TLL1: variants seen among roughly 807,000 people sequenced by gnomAD.
The protein encoded by TLL1 is tolloid like 1.
In TLL1, 49 loss-of-function variants were observed where a neutral mutation model predicts 128.2. The observed-to-expected ratio is 0.38, with a 90% CI of 0.30 to 0.48. The LOEUF (loss-of-function observed/expected upper bound fraction) is 0.48. Ranked by LOEUF, TLL1 falls within the 20% of genes least tolerant of loss-of-function variation. The pLI, the probability that TLL1 is intolerant of heterozygous loss-of-function variation, is 0.96. For missense variants in TLL1, 1,123 were observed against 1,242.0 expected (o/e 0.90, Z 1.44); for synonymous variants, 454 against 418.8 (o/e 1.08, Z -1.03).
intron 15 of TLL1, among the ~76,000 whole-genome samples, chr4:166,062,130 A>G (rs1740345488): frequency 6.6e-6 from 1 of 152,120 alleles, no homozygotes; most frequent in Non-Finnish European, 1.5e-5. Context: ...GCCTTGTAGT[A>G]TAGTTTGAAG....
chr4:165,884,741 CAGG>C (rs1731098453), intron 1 of TLL1, among the ~76,000 whole-genome samples: 1 of 152,166 alleles, frequency 6.6e-6, no homozygotes, highest in Non-Finnish European at 1.5e-5. Context: ...GAGGCTGATG[CAGG>C]AGAATTGCTT....
intron 1 of TLL1, among the ~76,000 whole-genome samples, chr4:165,954,286 G>A (rs17633216): frequency 0.016 from 2,365 of 152,176 alleles, 81 homozygotes; most frequent in East Asian, 0.15. Context: ...ACACATACAC[G>A]CTTGAGAGGA....
intron 1 of TLL1, among the ~76,000 whole-genome samples, chr4:165,874,709 T>C (rs1431921074): frequency 6.6e-6 from 1 of 152,244 alleles, no homozygotes; most frequent in Non-Finnish European, 1.5e-5. Flanking sequence ...TGCTACCCCA[T>C]TCAAATTTGT....
In TLL1 at chr4:166,080,105, G is replaced by A. The variant is rs143380991; in HGVS notation, c.2442+2075G>A. 2.0e-5 allele frequency among the ~76,000 whole-genome samples: 3 copies of A among 152,186 alleles called. No homozygotes were observed. In the East Asian group the frequency reaches 5.8e-4, roughly 29 times the overall value. ...TTTCTCATAGTTCTGGAGGCTAGAG[G>A]TCCAAGATTAAGTTGGACTTAACAA... On this transcript the variant is annotated intron_variant, in intron 18 of 20. Coordinates refer to ENST00000061240, the MANE Select transcript of TLL1 (RefSeq NM_012464.5).
At chr4:165,973,681 T>C (rs1735734289) in intron 1 of TLL1, among the ~76,000 whole-genome samples, 1 of 151,954 alleles carries the variant, frequency 6.6e-6, no homozygotes, top group South Asian at 2.1e-4. Context: ...TTTTTCTTTT[T>C]TGAGATGGAG....
At chr4:166,070,616 A>G (rs930880459) in intron 16 of TLL1, among the ~76,000 whole-genome samples, 27 of 152,034 alleles carry the variant, frequency 1.8e-4, no homozygotes, top group African/African-American at 6.5e-4. Flanking sequence ...AAGGACAGAA[A>G]CGGACTAAAA....
chr4:165,893,504 T>C (rs563011017), intron 1 of TLL1, among the ~76,000 whole-genome samples: 1 of 152,230 alleles, frequency 6.6e-6, no homozygotes, highest in Non-Finnish European at 1.5e-5. Context: ...CAGGGTGAAG[T>C]GTCAGAGTGG....
At position 166,025,446 on chromosome 4, in the gene TLL1, C is replaced by G. The variant is rs769335529; in HGVS notation, c.1158+15C>G. 6.5e-7 allele frequency: 1 copy of G among 1,539,246 alleles called. No individual in the cohort carries two copies. The highest frequency in any genetic ancestry group is 9.0e-7 in the Non-Finnish European group (1 of 1,112,192). ...CAGGGGAGAAGGTAGTTTATACCGT[C>G]AAGCCCACTATTTTATTCTTATATA... On this transcript the variant is annotated intron_variant, in intron 9 of 20. Transcript: ENST00000061240.
In TLL1 at chr4:166,053,712, C is replaced by T. The variant is rs988074403; in HGVS notation, c.1525-1364C>T. ...AAGTTGCAGTTCCATGGACATTCCC[C>T]GATATTCCTTGACATTCTACGTATT... On this transcript the variant is annotated intron_variant, in intron 12 of 20. Coordinates refer to ENST00000061240, the MANE Select transcript of TLL1 (RefSeq NM_012464.5). Among the ~76,000 whole-genome samples the T allele has an allele frequency of 3.9e-5, 6 of 152,204 alleles. No individual in the cohort carries two copies. In the South Asian group the frequency reaches 6.2e-4, roughly 16 times the overall value.
chr4:166,001,165 CT>C lies in TLL1; in HGVS notation c.633-2224del, dbSNP rs764084236. On this transcript the variant is annotated intron_variant, in intron 5 of 20. Coordinates refer to ENST00000061240, the MANE Select transcript of TLL1 (RefSeq NM_012464.5). ...GTCAATTAGTTTTTGGCATTTTTCT[CT>C]TCCAATTTAATATATCAGAAGAGGC... is the stretch of plus-strand genomic sequence containing the variant. 1.8e-4 allele frequency among the ~76,000 whole-genome samples: 27 copies of C among 152,230 alleles called. No homozygotes were observed. The South Asian group carries it at 2.1e-3, about 12-fold the overall frequency.
At position 166,029,822 on chromosome 4, in the gene TLL1, T is replaced by C. The variant is rs74609531; in HGVS notation, c.1158+4391T>C. On this transcript the variant is annotated intron_variant, in intron 9 of 20. Coordinates refer to ENST00000061240, the MANE Select transcript of TLL1 (RefSeq NM_012464.5). ...GCCCTCAAGATTCATCCATGTGACATGATTTATTTTTTATGCCTGAATAAT... is the reference window on the plus strand; with the variant it reads ...GCCCTCAAGATTCATCCATGTGACACGATTTATTTTTTATGCCTGAATAAT... 6.4e-3 allele frequency among the ~76,000 whole-genome samples: 977 copies of C among 152,168 alleles called. 10 individuals are homozygous for C. Among genetic ancestry groups the C allele is most frequent in the African/African-American group, 0.022 (930 of 41,566 alleles).
In TLL1 at chr4:165,935,894, C is replaced by T. The variant is rs532680744; in HGVS notation, c.170-53487C>T. ...CTGACTTGGAAACTTATAATGCATTCAACCTGTTCCTCTTTTATATTTCCA... is the reference window on the plus strand; with the variant it reads ...CTGACTTGGAAACTTATAATGCATTTAACCTGTTCCTCTTTTATATTTCCA... On this transcript the variant is annotated intron_variant, in intron 1 of 20. Transcript: ENST00000061240. Among the ~76,000 whole-genome samples the T allele has an allele frequency of 2.0e-5, 3 of 152,254 alleles. No homozygotes were observed. In the East Asian group the frequency reaches 5.8e-4, roughly 29 times the overall value.
intron 1 of TLL1, among the ~76,000 whole-genome samples, chr4:165,931,355 TAC>T (rs1252159017): frequency 6.6e-6 from 1 of 152,180 alleles, no homozygotes; most frequent in Non-Finnish European, 1.5e-5. Flanking sequence ...TTTAACTTTA[TAC>T]AGTTAGGTTT....
chr4:165,904,512 G>A (rs1016777829), intron 1 of TLL1, among the ~76,000 whole-genome samples: 4 of 152,122 alleles, frequency 2.6e-5, no homozygotes, highest in Non-Finnish European at 1.5e-5. Flanking sequence ...GAAGAAGGAG[G>A]AATTAGAGGA....
At chr4:165,901,184 T>C (rs1731967760) in intron 1 of TLL1, among the ~76,000 whole-genome samples, 1 of 152,158 alleles carries the variant, frequency 6.6e-6, no homozygotes, top group Non-Finnish European at 1.5e-5. Context: ...GATTAGAACA[T>C]GCTCCTTTAG....
chr4:165,978,620 TTTTTTG>T (rs1405797520), intron 1 of TLL1, among the ~76,000 whole-genome samples: 2 of 152,172 alleles, frequency 1.3e-5, no homozygotes, highest in African/African-American at 2.4e-5. Context: ...TAAGTTGCTG[TTTTTTG>T]TTTTTGTTTG....
intron 1 of TLL1, among the ~76,000 whole-genome samples, chr4:165,968,442 T>C (rs1342380903): frequency 6.6e-6 from 1 of 152,152 alleles, no homozygotes; most frequent in African/African-American, 2.4e-5. Flanking sequence ...TTATCAATTC[T>C]CTACATAGGA....
chr4:166,090,199 T>C (rs1435940877), intron 18 of TLL1, among the ~76,000 whole-genome samples: 1 of 23,894 alleles, frequency 4.2e-5, no homozygotes, highest in Admixed American at 5.6e-4. Context: ...TTTAGTTTTC[T>C]TCTATAGACT....
At chr4:166,040,131 C>G (rs1381140901) in intron 10 of TLL1, among the ~76,000 whole-genome samples, 1 of 152,140 alleles carries the variant, frequency 6.6e-6, no homozygotes, top group Non-Finnish European at 1.5e-5. Context: ...GGCATCTACT[C>G]TATATTGATC....
Sources: allele counts gnomAD v4.1 joint callset (sites outside exome capture counted in the v4.1 genomes callset), GRCh38; gene constraint gnomAD v4.1.1; transcripts MANE v1.5; gene names NCBI Gene and HGNC (gene_info 2026-07-23, HGNC 2026-07-21).